The following PDE4D variants were observed in gnomAD, a reference collection of about 807,000 sequenced individuals.
The protein encoded by PDE4D is 3',5'-cyclic-AMP phosphodiesterase 4D.
In PDE4D, 24 loss-of-function variants were observed where a neutral mutation model predicts 87.4. The ratio of observed to expected loss-of-function variants is 0.27; its 90% confidence interval spans 0.20 to 0.39. PDE4D has a LOEUF of 0.39. Among genes scored for constraint, PDE4D ranks in the 10% least tolerant of loss-of-function variants. PDE4D has a pLI of 1.00. For missense variants in PDE4D, 714 were observed against 1,041.0 expected (o/e 0.69, Z 4.32); for synonymous variants, 384 against 383.2 (o/e 1.00, Z -0.02).
intron 1 of PDE4D, among the ~76,000 whole-genome samples, chr5:60,266,542 C>A (rs1207815889): frequency 6.6e-6 from 1 of 152,186 alleles, no homozygotes; most frequent in Non-Finnish European, 1.5e-5. Context: ...CTTGGGCAGT[C>A]TGTGCCTGAG....
Position 59,646,949 on chromosome 5 carries a change from C to T in PDE4D, c.455+246219G>A, listed in dbSNP as rs753505631. Among the ~76,000 whole-genome samples the T allele has an allele frequency of 2.6e-5, 4 of 151,976 alleles. No individual in the cohort carries two copies. In the South Asian group the frequency reaches 6.2e-4, roughly 24 times the overall value. Reference sequence around the variant, plus strand: ...ACTCGAGAGGCTGAGGCAGGAGAATCGCTTGAACCCGGGAGGTGGAGGTTG... The same window carrying T: ...ACTCGAGAGGCTGAGGCAGGAGAATTGCTTGAACCCGGGAGGTGGAGGTTG... On this transcript the variant is annotated intron_variant, in intron 1 of 14. Coordinates refer to ENST00000340635, the MANE Select transcript of PDE4D (RefSeq NM_001104631.2).
intron 1 of PDE4D, among the ~76,000 whole-genome samples, chr5:60,447,210 T>C (rs1054285086): frequency 6.6e-6 from 1 of 152,184 alleles, no homozygotes; most frequent in Non-Finnish European, 1.5e-5. Context: ...TTTCAAATGG[T>C]CCATATGGGG....
intron 1 of PDE4D, among the ~76,000 whole-genome samples, chr5:59,510,326 C>CA (rs2153668302): frequency 1.3e-5 from 2 of 150,728 alleles, no homozygotes; most frequent in South Asian, 4.2e-4. Flanking sequence ...AAAATAAACA[C>CA]AAAAAAGTAA....
rs565180778 is a variant in PDE4D at position 59,054,917 on chromosome 5, C to T, written c.809-15946G>A. Among the ~76,000 whole-genome samples the T allele has an allele frequency of 3.3e-5, 5 of 152,290 alleles. No individual in the cohort carries two copies. In the South Asian group the frequency reaches 1.0e-3, roughly 32 times the overall value. On this transcript the variant is annotated intron_variant, in intron 5 of 14. Coordinates refer to ENST00000340635, the MANE Select transcript of PDE4D (RefSeq NM_001104631.2). ...CCCTTTTTATAATTAAAAAACTCTC[C>T]CTCTACTTCTCTACTTCACGTGAGA...
chr5:59,859,139 G>A (rs1490956218), intron 1 of PDE4D, among the ~76,000 whole-genome samples: 1 of 152,146 alleles, frequency 6.6e-6, no homozygotes, highest in African/African-American at 2.4e-5. Context: ...ACTAAGAAGT[G>A]AACATCTTTC....
intron 2 of PDE4D, among the ~76,000 whole-genome samples, chr5:60,086,816 G>T (rs1294521574): frequency 6.6e-6 from 1 of 152,234 alleles, no homozygotes; most frequent in Admixed American, 6.5e-5. Context: ...ACAAGGCACA[G>T]GACATTAATC....
At chr5:60,033,788 T>C (rs966306447) in intron 2 of PDE4D, among the ~76,000 whole-genome samples, 1 of 152,154 alleles carries the variant, frequency 6.6e-6, no homozygotes, top group Admixed American at 6.5e-5. Flanking sequence ...GTCAATACAA[T>C]TTCTAGAATC....
At chr5:60,434,029 T>C (rs1209849036) in intron 1 of PDE4D, among the ~76,000 whole-genome samples, 1 of 152,028 alleles carries the variant, frequency 6.6e-6, no homozygotes, top group African/African-American at 2.4e-5. Flanking sequence ...AAACACACCA[T>C]TTATCTATTA....
chr5:60,041,180 T>C (rs188929357), intron 2 of PDE4D, among the ~76,000 whole-genome samples: 18 of 152,364 alleles, frequency 1.2e-4, no homozygotes, highest in Admixed American at 3.9e-4. Context: ...ATATAGATAG[T>C]ATATTCATCT....
At chr5:59,721,912 C>T (rs1175417810) in intron 1 of PDE4D, among the ~76,000 whole-genome samples, 7 of 152,082 alleles carry the variant, frequency 4.6e-5, no homozygotes, top group Non-Finnish European at 8.8e-5. Context: ...TCAGGAGAGG[C>T]GCATCCATGG....
intron 2 of PDE4D, among the ~76,000 whole-genome samples, chr5:60,171,771 T>C (rs897602617): frequency 4.6e-5 from 7 of 151,990 alleles, no homozygotes; most frequent in Non-Finnish European, 8.8e-5. Flanking sequence ...TTTAAAGTTA[T>C]AAAAAAGAAA....
At chr5:59,108,636 G>A (rs1015557087) in intron 5 of PDE4D, among the ~76,000 whole-genome samples, 1 of 152,174 alleles carries the variant, frequency 6.6e-6, no homozygotes, top group African/African-American at 2.4e-5. Flanking sequence ...GCTCACGCCC[G>A]TAGTCCCAGC....
At chr5:59,749,341 A>G (rs1416115627) in intron 1 of PDE4D, among the ~76,000 whole-genome samples, 1 of 151,794 alleles carries the variant, frequency 6.6e-6, no homozygotes, top group Non-Finnish European at 1.5e-5. Flanking sequence ...GTTCATTGCA[A>G]CCTCTGCCTC....
At chr5:60,034,780 C>T (rs1406766818) in intron 2 of PDE4D, among the ~76,000 whole-genome samples, 2 of 152,158 alleles carry the variant, frequency 1.3e-5, no homozygotes, top group African/African-American at 4.8e-5. Flanking sequence ...AGCCACAATG[C>T]TCTCTGTCTC....
intron 1 of PDE4D, among the ~76,000 whole-genome samples, chr5:60,198,355 C>T (rs916172778): frequency 8.6e-5 from 13 of 151,196 alleles, no homozygotes; most frequent in African/African-American, 2.4e-4. Context: ...GATGTTGATT[C>T]GGAGAGATGA....
chr5:59,748,060 T>C (rs1561586152), intron 1 of PDE4D, among the ~76,000 whole-genome samples: 1 of 152,210 alleles, frequency 6.6e-6, no homozygotes, highest in African/African-American at 2.4e-5. Flanking sequence ...CCATCATCTC[T>C]TGAATCCACT....
At chr5:59,437,025 T>C (rs1198720775) in intron 1 of PDE4D, among the ~76,000 whole-genome samples, 1 of 152,198 alleles carries the variant, frequency 6.6e-6, no homozygotes, top group East Asian at 1.9e-4. Context: ...GAAATTATGC[T>C]GGTTTCAATT....
intron 5 of PDE4D, among the ~76,000 whole-genome samples, chr5:59,153,476 TC>T (rs1779732642): frequency 6.6e-6 from 1 of 152,204 alleles, no homozygotes; most frequent in South Asian, 2.1e-4. Flanking sequence ...TTCAAGTTAC[TC>T]CCTTCTGCCA....
At chr5:59,024,187 C>CGGCCTTGAGGACACCAAAATTTA (rs1755777297) in intron 6 of PDE4D, among the ~76,000 whole-genome samples, 1 of 145,936 alleles carries the variant, frequency 6.9e-6, no homozygotes, top group African/African-American at 2.5e-5. Context: ...CCACCATGCC[C>CGGCCTTGAGGACACCAAAATTTA]AGCTGAATTC....
Sources: allele counts gnomAD v4.1 joint callset (sites outside exome capture counted in the v4.1 genomes callset), GRCh38; gene constraint gnomAD v4.1.1; transcripts MANE v1.5; gene names NCBI Gene and HGNC (gene_info 2026-07-23, HGNC 2026-07-21).